LIMS1: variants seen among roughly 807,000 people sequenced by gnomAD.
The protein encoded by LIMS1 is LIM zinc finger domain containing 1.
Under a neutral mutation model 44.1 loss-of-function variants are expected in LIMS1, and 18 were observed. The observed-to-expected ratio is 0.41, with a 90% CI of 0.28 to 0.61. The LOEUF (loss-of-function observed/expected upper bound fraction) is 0.61. LIMS1 is among the 20% of genes least tolerant of loss of function. LIMS1 has a pLI of 0.32. For missense variants in LIMS1, 201 were observed against 422.0 expected, an observed-to-expected ratio of 0.48 and a Z score of 4.59; for synonymous variants, 93 against 149.1, an observed-to-expected ratio of 0.62 and a Z score of 2.74.
chr2:108,626,888 C>T (rs1399096345), intron 1 of LIMS1, among the ~76,000 whole-genome samples: 2 of 152,264 alleles, frequency 1.3e-5, no homozygotes, highest in Non-Finnish European at 2.9e-5. Context: ...TAAAATATTT[C>T]TGCATATAGT....
chr2:108,681,414 T>G, intron 9 of LIMS1: 2 of 975,936 alleles, frequency 2.0e-6, no homozygotes, highest in Non-Finnish European at 2.4e-6. Flanking sequence ...CACCATATAG[T>G]ATACATTTCT....
intron 2 of LIMS1, among the ~76,000 whole-genome samples, chr2:108,661,984 A>C (rs1185525908): frequency 6.6e-6 from 1 of 152,164 alleles, no homozygotes; most frequent in East Asian, 1.9e-4. Flanking sequence ...CCTAGTATCT[A>C]ATACAATATT....
chr2:108,616,873 C>T (rs1687961264), intron 1 of LIMS1, among the ~76,000 whole-genome samples: 1 of 152,022 alleles, frequency 6.6e-6, no homozygotes, highest in Non-Finnish European at 1.5e-5. Flanking sequence ...AAATGTTTGC[C>T]AGATGAATGT....
chr2:108,533,856 GCGGAGCT>G, upstream of LIMS1: 1 of 152,564 alleles, frequency 6.6e-6, no homozygotes, highest in South Asian at 2.1e-4. Flanking sequence ...CAGGCTCCAT[GCGGAGCT>G]CAGGCACCCA....
chr2:108,563,807 C>T (rs570609152), intron 1 of LIMS1, among the ~76,000 whole-genome samples: 7 of 152,188 alleles, frequency 4.6e-5, no homozygotes, highest in African/African-American at 1.4e-4. Flanking sequence ...GCCTGTAAAT[C>T]CAGCACTTTG....
chr2:108,640,343 T>G (rs577422791), intron 1 of LIMS1, among the ~76,000 whole-genome samples: 1 of 152,326 alleles, frequency 6.6e-6, no homozygotes, highest in African/African-American at 2.4e-5. Context: ...GGAGAGGTGC[T>G]TCTTAAGAAA....
At chr2:108,670,086 T>C (rs1373414756) in intron 2 of LIMS1, among the ~76,000 whole-genome samples, 1 of 152,108 alleles carries the variant, frequency 6.6e-6, no homozygotes, top group Non-Finnish European at 1.5e-5. Flanking sequence ...TACAAAAATA[T>C]ACTAGGATAA....
At chr2:108,564,795 G>A (rs1685240495) in intron 1 of LIMS1, among the ~76,000 whole-genome samples, 1 of 152,002 alleles carries the variant, frequency 6.6e-6, no homozygotes. Context: ...AGCTGGAATG[G>A]GGGTTGTCAA....
intron 1 of LIMS1, among the ~76,000 whole-genome samples, chr2:108,627,624 G>A (rs1688656531): frequency 6.6e-6 from 1 of 152,010 alleles, no homozygotes; most frequent in East Asian, 1.9e-4. Flanking sequence ...ACTTATAAAA[G>A]TCAGAAAAGA....
intron 1 of LIMS1, among the ~76,000 whole-genome samples, chr2:108,623,908 T>G (rs1688410734): frequency 6.6e-6 from 1 of 152,260 alleles, no homozygotes; most frequent in South Asian, 2.1e-4. Flanking sequence ...GAGATGCACG[T>G]GCTTAAAGAG....
At chr2:108,633,907 A>G (rs1003421782) in intron 1 of LIMS1, among the ~76,000 whole-genome samples, 1 of 152,224 alleles carries the variant, frequency 6.6e-6, no homozygotes, top group African/African-American at 2.4e-5. Context: ...AAATTTCCTG[A>G]AATAATCTCC....
intron 1 of LIMS1, among the ~76,000 whole-genome samples, chr2:108,572,380 CTTTT>C (rs780841996): frequency 8.9e-6 from 1 of 112,748 alleles, no homozygotes. Context: ...GGGACTCTTG[CTTTT>C]TTTTTTTTTT....
rs867707966 is a variant in LIMS1, at chr2:108,590,818, C to G, written c.32+56224C>G. ...CTGCAAGTGCTTTCTGGATCTACCC[C>G]CTGCCCTATTCCTTTCTGTGCTGTG... On this transcript the variant is annotated intron_variant, in intron 1 of 9. Transcript: ENST00000544547. Among the ~76,000 whole-genome samples the G allele has an allele frequency of 3.1e-3, 475 of 152,324 alleles. 1 individual carries two copies. The highest frequency in any genetic ancestry group is 0.011 in the African/African-American group (441 of 41,574).
intron 1 of LIMS1, among the ~76,000 whole-genome samples, chr2:108,646,230 G>A (rs1395737348): frequency 6.6e-6 from 1 of 152,072 alleles, no homozygotes. Flanking sequence ...TCACATAATT[G>A]GAAGTAAAAC....
At chr2:108,578,383 T>A (rs1461630324) in intron 1 of LIMS1, among the ~76,000 whole-genome samples, 1 of 152,186 alleles carries the variant, frequency 6.6e-6, no homozygotes, top group Non-Finnish European at 1.5e-5. Flanking sequence ...TGTTATACTC[T>A]CTTTAAATGC....
intron 1 of LIMS1, among the ~76,000 whole-genome samples, chr2:108,630,192 C>CAAAAAA (rs59941456): frequency 1.9e-5 from 2 of 103,948 alleles, no homozygotes; most frequent in African/African-American, 4.1e-5. Context: ...GACCCTGTCT[C>CAAAAAA]AAAAAAAAAA....
At chr2:108,628,945 T>A (rs1023588165) in intron 1 of LIMS1, among the ~76,000 whole-genome samples, 5 of 152,204 alleles carry the variant, frequency 3.3e-5, no homozygotes, top group Admixed American at 1.3e-4. Context: ...AATATTTTTT[T>A]AAAAAGCAGA....
chr2:108,554,078 C>T (rs1478253480), intron 1 of LIMS1, among the ~76,000 whole-genome samples: 4 of 152,124 alleles, frequency 2.6e-5, no homozygotes, highest in Non-Finnish European at 4.4e-5. Context: ...CTGGAATTTC[C>T]GATCCTATGC....
rs1383973863 is a variant in LIMS1 at position 108,637,095 on chromosome 2, ATATATGTGTGTGTGTGTGTG to A, written c.33-22508_33-22489del. Among the ~76,000 whole-genome samples, 3 of 81,508 alleles carry A rather than the reference ATATATGTGTGTGTGTGTGTG, an allele frequency of 3.7e-5. No homozygotes were observed. In the East Asian group the frequency reaches 3.2e-3, roughly 88 times the overall value. The allele number at this position is 81,508 out of a possible 152,430, so 53.5% of individuals were successfully genotyped here. ...CCTTTTTAAATTCAGCAAAATATAC[ATATATGTGTGTGTGTGTGTG>A]TGTGTGTGTGTGTGTGTGTGTGTGT... On this transcript the variant is annotated intron_variant, in intron 1 of 9. Transcript: ENST00000544547.
Sources: allele counts gnomAD v4.1 joint callset (sites outside exome capture counted in the v4.1 genomes callset), GRCh38; gene constraint gnomAD v4.1.1; transcripts MANE v1.5; gene names NCBI Gene and HGNC (gene_info 2026-07-23, HGNC 2026-07-21).